The following NWD2 variants were observed in gnomAD, a reference collection of about 807,000 sequenced individuals.
The protein encoded by NWD2 is NACHT and WD repeat domain containing 2, also known as NACHT and WD repeat domain-containing protein 2.
NWD2 carries 37 observed loss-of-function variants against 132.7 expected under a neutral mutation model. The observed-to-expected ratio is 0.28, with a 90% CI of 0.21 to 0.37. The LOEUF is 0.37. Ranked by LOEUF, NWD2 falls within the 10% of genes least tolerant of loss-of-function variation. The pLI, the probability that NWD2 is intolerant of heterozygous loss-of-function variation, is 1.00. For synonymous variants in NWD2, 705 were observed against 803.0 expected, an observed-to-expected ratio of 0.88 and a Z score of 2.06; for missense variants, 1,592 against 2,122.4, an observed-to-expected ratio of 0.75 and a Z score of 4.91.
chr4:37,261,840 AG>A (rs1332021294), intron 1 of NWD2, among the ~76,000 whole-genome samples: 5 of 152,324 alleles, frequency 3.3e-5, no homozygotes, highest in African/African-American at 1.2e-4. Context: ...TGGTCATAAA[AG>A]GTCTGTCTGA....
chr4:37,305,319 A>G lies in NWD2; in HGVS notation c.152-20617A>G, dbSNP rs150520554. 4.9e-3 allele frequency among the ~76,000 whole-genome samples: 742 copies of G among 152,252 alleles called. 4 individuals are homozygous for G. Among genetic ancestry groups the G allele is most frequent in the African/African-American group, 0.017 (690 of 41,534 alleles). On this transcript the variant is annotated intron_variant, in intron 1 of 6. Transcript: ENST00000309447. Reference sequence around the variant, plus strand: ...AAGGTCCCTGAAATTCCCTGGAGGCATTTTTGCCATTGTCTTGCTATTAAC... The same window carrying G: ...AAGGTCCCTGAAATTCCCTGGAGGCGTTTTTGCCATTGTCTTGCTATTAAC...
Position 37,430,572 on chromosome 4 carries a change from G to A in NWD2, c.358G>A (p.Gly120Arg), listed in dbSNP as rs1335331537. Residue 120 changes from glycine (G) to arginine (R), a missense_variant and splice_region_variant, in exon 4 of 7, where the codon GGA (glycine) becomes AGA (arginine). Coordinates refer to ENST00000309447, the MANE Select transcript of NWD2 (RefSeq NM_001144990.2). ...ATTGAACTTTCTTGTTGATACACAGGGACTATTAGGTGAAAAATATGGGAA... is the reference window on the plus strand; with the variant it reads ...ATTGAACTTTCTTGTTGATACACAGAGACTATTAGGTGAAAAATATGGGAA... Reference protein sequence around the residue: ...LKTSAGPCFVGLLGEKYGNIR... With the variant: ...LKTSAGPCFVRLLGEKYGNIR... The A allele has an allele frequency of 6.5e-7, 1 of 1,550,192 alleles. No homozygotes were observed. The highest frequency in any genetic ancestry group is 8.7e-7 in the Non-Finnish European group (1 of 1,145,764).
At chr4:37,369,362 A>G (rs930172638) in intron 3 of NWD2, among the ~76,000 whole-genome samples, 5 of 152,202 alleles carry the variant, frequency 3.3e-5, no homozygotes, top group South Asian at 2.1e-4. Flanking sequence ...TAATGTGACC[A>G]TCACCTGAAT....
chr4:37,334,205 C>T lies in NWD2; in HGVS notation c.240+8181C>T, dbSNP rs547295968. 4.6e-5 allele frequency among the ~76,000 whole-genome samples: 7 copies of T among 152,262 alleles called. No individual in the cohort carries two copies. The South Asian group carries it at 1.5e-3, about 32-fold the overall frequency. ...AGTATTCAAGTACAAGATTATAGAA[C>T]ACCAAACAGATTTAACCCAAATAAG... On this transcript the variant is annotated intron_variant, in intron 2 of 6. Coordinates refer to ENST00000309447, the MANE Select transcript of NWD2 (RefSeq NM_001144990.2).
At chr4:37,276,646 A>G (rs1264550841) in intron 1 of NWD2, among the ~76,000 whole-genome samples, 2 of 152,142 alleles carry the variant, frequency 1.3e-5, no homozygotes. Flanking sequence ...CTTTATAACC[A>G]GAGGATTATA....
intron 2 of NWD2, among the ~76,000 whole-genome samples, chr4:37,341,175 A>G (rs1227182248): frequency 2.0e-5 from 3 of 152,240 alleles, no homozygotes; most frequent in Admixed American, 1.3e-4. Flanking sequence ...TTTGAATTAC[A>G]TGAGATACTC....
At chr4:37,429,146 T>C (rs112133271) in intron 3 of NWD2, among the ~76,000 whole-genome samples, 2,876 of 152,304 alleles carry the variant, frequency 0.019, 89 homozygotes, top group African/African-American at 0.066. Context: ...TTAAATGACC[T>C]ATGTAAATTT....
At chr4:37,329,080 C>T (rs1719235402) in intron 2 of NWD2, among the ~76,000 whole-genome samples, 1 of 152,078 alleles carries the variant, frequency 6.6e-6, no homozygotes, top group South Asian at 2.1e-4. Flanking sequence ...CCAGATATAA[C>T]TTGCAAAAGA....
chr4:37,250,061 C>G (rs1717326100), intron 1 of NWD2, among the ~76,000 whole-genome samples: 1 of 152,128 alleles, frequency 6.6e-6, no homozygotes, highest in Non-Finnish European at 1.5e-5. Flanking sequence ...CATTATTCTT[C>G]TTACTTTTCC....
chr4:37,267,521 A>G (rs887714566), intron 1 of NWD2, among the ~76,000 whole-genome samples: 3 of 151,624 alleles, frequency 2.0e-5, no homozygotes, highest in Non-Finnish European at 4.4e-5. Flanking sequence ...GTGCCTCTTT[A>G]GCAAATGTAA....
intron 1 of NWD2, among the ~76,000 whole-genome samples, chr4:37,305,543 T>G (rs1406356101): frequency 6.6e-6 from 1 of 152,246 alleles, no homozygotes; most frequent in Non-Finnish European, 1.5e-5. Flanking sequence ...ATTGAGAGTT[T>G]TATCATAAAA....
intron 3 of NWD2, among the ~76,000 whole-genome samples, chr4:37,371,078 C>CT (rs11378524): frequency 0.17 from 20,586 of 120,630 alleles, 2,442 homozygotes; most frequent in African/African-American, 0.22. Flanking sequence ...TTTTCTTTTT[C>CT]TTTTTTTTTT....
At chr4:37,341,574 G>A (rs1577673748) in intron 2 of NWD2, among the ~76,000 whole-genome samples, 1 of 152,228 alleles carries the variant, frequency 6.6e-6, no homozygotes, top group East Asian at 1.9e-4. Flanking sequence ...GATCACAGAG[G>A]AGCTCATAAA....
intron 2 of NWD2, among the ~76,000 whole-genome samples, chr4:37,354,856 G>C (rs1719839683): frequency 6.6e-6 from 1 of 152,158 alleles, no homozygotes; most frequent in South Asian, 2.1e-4. Context: ...CAACAGATAA[G>C]CCATAAATGT....
chr4:37,246,501 TAAG>T (rs767154027), intron 1 of NWD2, among the ~76,000 whole-genome samples: 5 of 152,162 alleles, frequency 3.3e-5, no homozygotes, highest in Non-Finnish European at 5.9e-5. Flanking sequence ...TCAAAGAACT[TAAG>T]GAGGCTTTTA....
chr4:37,332,887 C>T (rs1436421021), intron 2 of NWD2, among the ~76,000 whole-genome samples: 2 of 152,114 alleles, frequency 1.3e-5, no homozygotes, highest in African/African-American at 2.4e-5. Context: ...TCAGACCTGG[C>T]AGCATTCACT....
rs145646366 is a variant in NWD2, at chr4:37,308,285, A to G, written c.152-17651A>G. ...AAGACTTTTTCTGGCAGATGTGTTA[A>G]TTGAATAGAGTGCTTTGACTTTGGT... On this transcript the variant is annotated intron_variant, in intron 1 of 6. Transcript: ENST00000309447. Among the ~76,000 whole-genome samples, 318 of 152,212 alleles carry G rather than the reference A, an allele frequency of 2.1e-3. 2 individuals are homozygous for G. Among genetic ancestry groups the G allele is most frequent in the African/African-American group, 7.4e-3 (308 of 41,534 alleles).
At chr4:37,349,192 A>G (rs979279025) in intron 2 of NWD2, among the ~76,000 whole-genome samples, 1 of 152,176 alleles carries the variant, frequency 6.6e-6, no homozygotes. Flanking sequence ...CTTTGGTTAT[A>G]TACCCAGTAA....
intron 1 of NWD2, among the ~76,000 whole-genome samples, chr4:37,310,129 A>T (rs1718800898): frequency 6.6e-6 from 1 of 152,190 alleles, no homozygotes; most frequent in African/African-American, 2.4e-5. Flanking sequence ...CCATGTACCC[A>T]CAAATGACAA....
Sources: gnomAD v4.1 joint callset for allele counts (sites outside exome capture counted in the v4.1 genomes callset) on GRCh38, gnomAD v4.1.1 for gene constraint, MANE v1.5 for transcripts, NCBI Gene and HGNC (gene_info 2026-07-23, HGNC 2026-07-21) for gene names.